Variants in GOPC observed in about 807,000 individuals in gnomAD.
GOPC encodes Golgi-associated PDZ and coiled-coil motif-containing protein.
GOPC carries 32 observed loss-of-function variants against 51.2 expected under a neutral mutation model. The ratio of observed to expected loss-of-function variants is 0.63; its 90% CI spans 0.47 to 0.84. The LOEUF is 0.84. Ranked by LOEUF, GOPC falls within the 40% of genes least tolerant of loss-of-function variation. GOPC has a pLI of 0.00. For missense variants in GOPC, 441 were observed against 555.5 expected (o/e 0.79, Z 2.07); for synonymous variants, 190 against 205.1 (o/e 0.93, Z 0.63).
At chr6:117,587,879 CTT>C (rs879733530) in intron 1 of GOPC, among the ~76,000 whole-genome samples, 3 of 145,242 alleles carry the variant, frequency 2.1e-5, no homozygotes. Context: ...TTTTGTTTTA[CTT>C]TTTTTTTTTT....
chr6:117,579,622 T>C (rs768438933), intron 1 of GOPC, among the ~76,000 whole-genome samples: 6 of 152,122 alleles, frequency 3.9e-5, no homozygotes, highest in African/African-American at 9.6e-5. Context: ...AGCTTTAGCA[T>C]AGCAGAGCAA....
At chr6:117,566,195 C>A (rs1587574) in intron 8 of GOPC, among the ~76,000 whole-genome samples, 1 of 151,906 alleles carries the variant, frequency 6.6e-6, no homozygotes, top group African/African-American at 2.4e-5. Flanking sequence ...AACCAGATAC[C>A]ATCAGTGCAA....
chr6:117,565,581 C>T (rs917151059), intron 8 of GOPC, among the ~76,000 whole-genome samples: 4 of 152,166 alleles, frequency 2.6e-5, no homozygotes, highest in African/African-American at 9.6e-5. Flanking sequence ...TGACACATTT[C>T]ACTTTACTGT....
At chr6:117,600,438 C>A (rs990707556) in intron 1 of GOPC, among the ~76,000 whole-genome samples, 1 of 152,180 alleles carries the variant, frequency 6.6e-6, no homozygotes, top group Non-Finnish European at 1.5e-5. Flanking sequence ...GTTTCCCATA[C>A]ACGAAATTTG....
rs1375860587 is a variant in GOPC at position 117,601,985 on chromosome 6, G to A, written c.285+19C>T. On this transcript the variant is annotated intron_variant, in intron 1 of 8. Coordinates refer to ENST00000368498, the MANE Select transcript of GOPC (RefSeq NM_020399.4). ...CAGCCTGGGGTTGGATGCCATAGCC[G>A]CCAGCACCCACGGCTCACCTCCAGC... is the stretch of plus-strand genomic sequence containing the variant. 1 of 1,611,296 alleles carries A rather than the reference G, an allele frequency of 6.2e-7. No individual in the cohort carries two copies. The highest frequency in any genetic ancestry group is 8.5e-7 in the Non-Finnish European group (1 of 1,177,884).
intron 5 of GOPC, among the ~76,000 whole-genome samples, 183 bp downstream of exon 5, chr6:117,573,284 G>A (rs1485029375): frequency 1.3e-5 from 2 of 152,202 alleles, no homozygotes; most frequent in Admixed American, 1.3e-4. Flanking sequence ...TAGTAAGTCT[G>A]TGAAGAGCTA....
intron 6 of GOPC, 47 bp downstream of exon 6, chr6:117,570,813 T>C: frequency 1.2e-6 from 1 of 837,672 alleles, no homozygotes; most frequent in Non-Finnish European, 1.9e-6. Context: ...GGAGCATGAT[T>C]ATACTAGATA....
At chr6:117,582,109 C>T (rs550374132) in intron 1 of GOPC, among the ~76,000 whole-genome samples, 3 of 151,974 alleles carry the variant, frequency 2.0e-5, no homozygotes, top group African/African-American at 7.2e-5. Context: ...TAAGGTTTAA[C>T]TGCCTTTTCA....
At chr6:117,584,843 T>C (rs985899113) in intron 1 of GOPC, among the ~76,000 whole-genome samples, 4 of 151,738 alleles carry the variant, frequency 2.6e-5, no homozygotes, top group Admixed American at 2.0e-4. Context: ...ACTCAGTTCA[T>C]ACGAGATCTG....
chr6:117,600,535 A>G (rs1211497221), intron 1 of GOPC, among the ~76,000 whole-genome samples: 1 of 152,224 alleles, frequency 6.6e-6, no homozygotes, highest in African/African-American at 2.4e-5. Context: ...CAGGCACAGT[A>G]GCTCATGTCT....
chr6:117,600,154 T>A (rs1411969679), intron 1 of GOPC, among the ~76,000 whole-genome samples: 6 of 152,192 alleles, frequency 3.9e-5, no homozygotes, highest in Non-Finnish European at 7.3e-5. Context: ...GTCGAGAGCC[T>A]TCTTGCTGGC....
intron 1 of GOPC, among the ~76,000 whole-genome samples, chr6:117,581,267 A>G (rs1231319965): frequency 6.6e-6 from 1 of 152,178 alleles, no homozygotes; most frequent in Non-Finnish European, 1.5e-5. Flanking sequence ...GTAGCATGCT[A>G]TAAATTAACC....
intron 5 of GOPC, among the ~76,000 whole-genome samples, chr6:117,572,879 T>C (rs1779826479): frequency 6.6e-6 from 1 of 152,246 alleles, no homozygotes; most frequent in African/African-American, 2.4e-5. Flanking sequence ...ATGTGAACCC[T>C]TGGGAGACAT....
chr6:117,574,236 G>A (rs948221221), intron 4 of GOPC, among the ~76,000 whole-genome samples: 3 of 150,756 alleles, frequency 2.0e-5, no homozygotes, highest in Non-Finnish European at 4.4e-5. Context: ...GAGCGACAGA[G>A]TGAGACCCCA....
At position 117,575,291 on chromosome 6, in the gene GOPC, A is replaced by C. The variant is rs1166869604; in HGVS notation, c.536T>G (p.Val179Gly). ...TTCATTCTCTTTTCTCAACAATTTC[A>C]CTTCAGCTTCAAGTTGTGCTTCTTT... Reference protein sequence around the residue: ...KMKEAQLEAEVKLLRKENEAL... With the variant: ...KMKEAQLEAEGKLLRKENEAL... Residue 179 changes from valine to glycine, a missense_variant, in exon 4 of 9, where the codon GTG becomes GGG. Physicochemically the swap from Val to Gly is moderately radical, Grantham distance 109. Transcript: ENST00000368498. 4 of 1,613,430 alleles carry C rather than the reference A, an allele frequency of 2.5e-6. No homozygotes were observed. The highest frequency in any genetic ancestry group is 3.4e-6 in the Non-Finnish European group (4 of 1,179,706).
chr6:117,569,922 A>G, intron 6 of GOPC, 186 bp from the exon 7 acceptor site: 1 of 595,526 alleles, frequency 1.7e-6, no homozygotes, highest in Non-Finnish European at 2.5e-6. Flanking sequence ...TTGAACAGAA[A>G]TTGGCTAAAT....
intron 3 of GOPC, among the ~76,000 whole-genome samples, chr6:117,575,936 T>C (rs1205158549): frequency 6.6e-6 from 1 of 152,126 alleles, no homozygotes; most frequent in East Asian, 1.9e-4. Context: ...TGATGAATAG[T>C]ATTGTTTCTA....
Position 117,566,912 on chromosome 6 carries a change from T to G in GOPC, c.1200A>C (p.Gly400=). The change falls in exon 8 of 9, where the codon GGA becomes GGC. Residue 400 remains glycine (G), a synonymous_variant. Transcript: ENST00000368498. ...TGCAACTAGCACCAGGGTTACCACC[T>G]CCTTCTAACTCATCAAGGTACAAAC... is the stretch of plus-strand genomic sequence containing the variant. ...RYRLYLDELE[G]GGNPGASCKD... is the part of the protein sequence containing the mutation. 6.2e-7 allele frequency: 1 copy of G among 1,607,916 alleles called. No homozygotes were observed. Among genetic ancestry groups the G allele is most frequent in the South Asian group, 1.1e-5 (1 of 89,822 alleles).
At chr6:117,599,777 A>G (rs1771961849) in intron 1 of GOPC, among the ~76,000 whole-genome samples, 1 of 152,228 alleles carries the variant, frequency 6.6e-6, no homozygotes, top group South Asian at 2.1e-4. Context: ...GAACATGCAT[A>G]ATTTATTACA....
Sources: allele counts gnomAD v4.1 joint callset (sites outside exome capture counted in the v4.1 genomes callset), GRCh38; gene constraint gnomAD v4.1.1; transcripts MANE v1.5; gene names NCBI Gene and HGNC (gene_info 2026-07-23, HGNC 2026-07-21).